Variants in GRIN2B observed in about 807,000 individuals in gnomAD.
The protein encoded by GRIN2B is glutamate ionotropic receptor NMDA type subunit 2B, also known as glutamate receptor ionotropic, NMDA 2B.
Under a neutral mutation model 114.5 loss-of-function variants are expected in GRIN2B, and 5 were observed. The ratio of observed to expected loss-of-function variants is 0.04; its 90% confidence interval spans 0.02 to 0.09. GRIN2B has a LOEUF of 0.09. Ranked by LOEUF, GRIN2B falls within the 10% of genes least tolerant of loss-of-function variation. The probability of loss-of-function intolerance (pLI) is 1.00; values close to 1 mark genes in which losing one functional copy is unlikely to be tolerated. For missense variants in GRIN2B, 1,108 were observed against 1,943.5 expected (o/e 0.57, Z 8.08); for synonymous variants, 787 against 745.1 (o/e 1.06, Z -0.92).
Position 13,866,244 on chromosome 12 carries a change from G to A in GRIN2B, c.-18-18C>T. The A allele has an allele frequency of 1.3e-6, 2 of 1,598,176 alleles. No individual in the cohort carries two copies. Among genetic ancestry groups the A allele is most frequent in the Non-Finnish European group, 1.7e-6 (2 of 1,177,586 alleles). On this transcript the variant is annotated intron_variant, in intron 2 of 13. Transcript: ENST00000609686. ...TCGACTCCCTGCAAACACAAAGAAA[G>A]AGCATGTTAAAATAGGATCTACATC...
chr12:13,979,527 T>TGAA (rs1555164180), intron 2 of GRIN2B, among the ~76,000 whole-genome samples: 2 of 107,580 alleles, frequency 1.9e-5, no homozygotes, highest in Admixed American at 9.2e-5. Flanking sequence ...AAAGCCAACC[T>TGAA]GAAAAAAAAA....
At chr12:13,704,190 G>A (rs1052422965) in intron 4 of GRIN2B, among the ~76,000 whole-genome samples, 1 of 152,186 alleles carries the variant, frequency 6.6e-6, no homozygotes, top group African/African-American at 2.4e-5. Context: ...CCGGGAGGCT[G>A]ACAGTGACAT....
chr12:13,659,027 G>C (rs1029056014), intron 5 of GRIN2B, among the ~76,000 whole-genome samples: 4 of 151,942 alleles, frequency 2.6e-5, no homozygotes, highest in Admixed American at 6.6e-5. Flanking sequence ...CTCTCCTTCT[G>C]TTCTCGTTAG....
chr12:13,933,364 A>G (rs1373035640), intron 2 of GRIN2B, among the ~76,000 whole-genome samples: 8 of 152,130 alleles, frequency 5.3e-5, no homozygotes, highest in Admixed American at 5.2e-4. Flanking sequence ...GCTGCTATAT[A>G]TCTCCGTTTT....
chr12:13,823,305 A>G (rs1864971538), intron 3 of GRIN2B, among the ~76,000 whole-genome samples: 1 of 152,092 alleles, frequency 6.6e-6, no homozygotes, highest in Non-Finnish European at 1.5e-5. Context: ...CCATAAGCAC[A>G]GTATAGCTTT....
chr12:13,754,960 G>A (rs1033798544), intron 3 of GRIN2B, among the ~76,000 whole-genome samples: 3 of 152,236 alleles, frequency 2.0e-5, no homozygotes, highest in African/African-American at 7.2e-5. Context: ...AGCTAGATGA[G>A]TCCGAAAACA....
Position 13,538,363 on chromosome 12 carries a change from C to T in GRIN2B, c.*24420G>A, listed in dbSNP as rs1565440382. The T allele has an allele frequency of 6.6e-6, 1 of 152,266 alleles. No homozygotes were observed. The allele number at this position is 152,266 out of a possible 1,614,324, so 9.4% of individuals were successfully genotyped here. The stretch of plus-strand genomic sequence containing the variant: ...TGGGTGAGGCAGGCTGTATAAAGAA[C>T]AGACACTTGGCATAGTCTCAGGAAG... On this transcript the variant is annotated 3_prime_UTR_variant, in exon 14 of 14. Coordinates refer to ENST00000609686, the MANE Select transcript of GRIN2B (RefSeq NM_000834.5).
intron 10 of GRIN2B, among the ~76,000 whole-genome samples, chr12:13,607,469 TAATA>T (rs1268089957): frequency 9.7e-6 from 1 of 102,986 alleles, no homozygotes. Flanking sequence ...AAAATATATA[TAATA>T]AATATATATA....
chr12:13,716,531 T>C (rs1950457433), intron 4 of GRIN2B, among the ~76,000 whole-genome samples: 3 of 151,846 alleles, frequency 2.0e-5, no homozygotes, highest in African/African-American at 7.3e-5. Flanking sequence ...ATGCATTTCA[T>C]TGTCACAGTG....
intron 3 of GRIN2B, among the ~76,000 whole-genome samples, chr12:13,806,161 G>C (rs1173779425): frequency 6.6e-6 from 1 of 151,966 alleles, no homozygotes; most frequent in East Asian, 1.9e-4. Context: ...TCCATATCTT[G>C]GCTACTGTGA....
chr12:13,941,799 G>C (rs1437376871), intron 2 of GRIN2B, among the ~76,000 whole-genome samples: 1 of 152,210 alleles, frequency 6.6e-6, no homozygotes, highest in African/African-American at 2.4e-5. Context: ...GTAGCCGAAG[G>C]CTGAAAACAA....
chr12:13,943,223 C>T (rs12827536), intron 2 of GRIN2B, among the ~76,000 whole-genome samples: 45,412 of 151,966 alleles, frequency 0.3, 7,530 homozygotes, highest in Middle Eastern at 0.39. Context: ...CTTATTACTC[C>T]ACCATTTTAA....
intron 3 of GRIN2B, among the ~76,000 whole-genome samples, chr12:13,865,406 T>G (rs1013070222): frequency 6.6e-6 from 1 of 151,194 alleles, no homozygotes; most frequent in East Asian, 1.9e-4. Flanking sequence ...CTGAGGCAGG[T>G]GGATCACCTG....
intron 4 of GRIN2B, among the ~76,000 whole-genome samples, chr12:13,710,752 C>A (rs1950406287): frequency 1.3e-5 from 2 of 152,168 alleles, no homozygotes; most frequent in African/African-American, 4.8e-5. Flanking sequence ...GAAGAACATT[C>A]CATGCTCATG....
At chr12:13,940,895 A>C (rs219905) in intron 2 of GRIN2B, among the ~76,000 whole-genome samples, 81,674 of 151,750 alleles carry the variant, frequency 0.54, 22,158 homozygotes, top group Non-Finnish European at 0.58. Flanking sequence ...ACCTTCCAAC[A>C]TGATGATTGA....
chr12:13,605,626 T>C (rs1949236725), intron 10 of GRIN2B, among the ~76,000 whole-genome samples: 1 of 149,802 alleles, frequency 6.7e-6, no homozygotes, highest in Admixed American at 6.7e-5. Context: ...ATCCAACTTT[T>C]AGAACATAAT....
rs955878165 is a variant in GRIN2B at position 13,560,379 on chromosome 12, C to T, written c.*2404G>A. 6.6e-6 allele frequency: 1 copy of T among 152,224 alleles called. No homozygotes were observed. The highest frequency in any genetic ancestry group is 1.5e-5 in the Non-Finnish European group (1 of 68,044). 9.4% of individuals were successfully genotyped at this position (152,224 alleles called of 1,614,324 possible). ...GAATACTCACAAGAGAACACTTTAT[C>T]TATACAAAATTAGAAAACAAAATAT... is the stretch of plus-strand genomic sequence containing the variant. On this transcript the variant is annotated 3_prime_UTR_variant, in exon 14 of 14. Transcript: ENST00000609686.
chr12:13,679,519 C>T (rs556521362), intron 4 of GRIN2B, among the ~76,000 whole-genome samples: 1 of 152,266 alleles, frequency 6.6e-6, no homozygotes, highest in African/African-American at 2.4e-5. Flanking sequence ...TACCTAAGCA[C>T]TCCTCACATA....
rs1411306481 is a variant in GRIN2B, at chr12:13,941,611, G to A, written c.-19+38317C>T. Among the ~76,000 whole-genome samples, 7 of 152,302 alleles carry A rather than the reference G, an allele frequency of 4.6e-5. No individual in the cohort carries two copies. In the East Asian group the frequency reaches 9.7e-4, roughly 21 times the overall value. On this transcript the variant is annotated intron_variant, in intron 2 of 13. Transcript: ENST00000609686. ...TTGGGGACAGGACAGCCACCTCAGT[G>A]GCTGAGGTAGATCGGCATAAACTGC...
Sources: gnomAD v4.1 joint callset for allele counts (sites outside exome capture counted in the v4.1 genomes callset) on GRCh38, gnomAD v4.1.1 for gene constraint, MANE v1.5 for transcripts, NCBI Gene and HGNC (gene_info 2026-07-23, HGNC 2026-07-21) for gene names.